CDC14A: variants seen among roughly 807,000 people sequenced by gnomAD.
The protein encoded by CDC14A is dual specificity protein phosphatase CDC14A.
A neutral mutation model predicts 74.4 loss-of-function variants in CDC14A; 53 were observed. That is an observed-to-expected ratio of 0.71 (90% CI 0.57 to 0.89). CDC14A has a LOEUF of 0.89. Among genes scored for constraint, CDC14A ranks in the 40% least tolerant of loss-of-function variants. The probability of loss-of-function intolerance (pLI) is 0.00; values close to 1 mark genes in which losing one functional copy is unlikely to be tolerated. For missense variants in CDC14A, 646 were observed against 713.7 expected, an observed-to-expected ratio of 0.91 and a Z score of 1.08; for synonymous variants, 247 against 258.4, an observed-to-expected ratio of 0.96 and a Z score of 0.43.
At chr1:100,489,077 T>A (rs1306506804) in intron 11 of CDC14A, among the ~76,000 whole-genome samples, 1 of 152,120 alleles carries the variant, frequency 6.6e-6, no homozygotes, top group Non-Finnish European at 1.5e-5. Context: ...AGAAGAGAGA[T>A]GTGGGCAGCT....
At chr1:100,509,575 TAGAA>T (rs893955670) in intron 15 of CDC14A, among the ~76,000 whole-genome samples, 8 of 152,238 alleles carry the variant, frequency 5.3e-5, no homozygotes, top group African/African-American at 1.2e-4. Flanking sequence ...ATCTTTAACT[TAGAA>T]AGGCATATTT....
At chr1:100,412,733 A>ATATATATAAAATATATATG (rs1557732433) in intron 4 of CDC14A, among the ~76,000 whole-genome samples, 2 of 110,158 alleles carry the variant, frequency 1.8e-5, no homozygotes, top group African/African-American at 9.6e-5. Context: ...TTTTATATAT[A>ATATATATAAAATATATATG]TATATTTTAT....
At chr1:100,510,891 A>AC (rs1388889110) in intron 15 of CDC14A, among the ~76,000 whole-genome samples, 1 of 151,990 alleles carries the variant, frequency 6.6e-6, no homozygotes, top group Non-Finnish European at 1.5e-5. Flanking sequence ...CACCAACACA[A>AC]CCCCTTCCTG....
chr1:100,394,025 A>C (rs981482317), intron 4 of CDC14A: 1 of 261,354 alleles, frequency 3.8e-6, no homozygotes. Context: ...TGTGCCTGCC[A>C]TTCTGGGGAC....
chr1:100,352,193 C>T (rs1455758835), upstream of CDC14A, among the ~76,000 whole-genome samples: 3 of 152,356 alleles, frequency 2.0e-5, no homozygotes, highest in Admixed American at 6.5e-5. Flanking sequence ...CCACTCTCAA[C>T]CCCGCCGTTT....
At chr1:100,349,607 G>A (rs1365192339), upstream of CDC14A, among the ~76,000 whole-genome samples, 1 of 152,162 alleles carries the variant, frequency 6.6e-6, no homozygotes, top group African/African-American at 2.4e-5. Context: ...GAATGGCTTA[G>A]AGAGATTTGA....
chr1:100,349,528 G>C (rs143045548), upstream of CDC14A, among the ~76,000 whole-genome samples: 69 of 152,304 alleles, frequency 4.5e-4, no homozygotes, highest in African/African-American at 1.5e-3. Flanking sequence ...ACCTTGGTAT[G>C]TATTATACGT....
At chr1:100,348,553 C>T (rs528011852), upstream of CDC14A, among the ~76,000 whole-genome samples, 20 of 152,206 alleles carry the variant, frequency 1.3e-4, no homozygotes, top group South Asian at 3.7e-3. Flanking sequence ...GTTCTGGGAC[C>T]CACTTAGTAA....
chr1:100,485,395 C>CAGTTCCA, intron 11 of CDC14A: 1 of 821,726 alleles, frequency 1.2e-6, no homozygotes, highest in Non-Finnish European at 1.5e-6. Flanking sequence ...AAAAAAAGGA[C>CAGTTCCA]CTGTTCAAAA....
At chr1:100,398,473 A>G (rs1296173255) in intron 4 of CDC14A, among the ~76,000 whole-genome samples, 1 of 152,208 alleles carries the variant, frequency 6.6e-6, no homozygotes, top group East Asian at 1.9e-4. Context: ...AGGTAGGAGT[A>G]TATTTCTCTC....
intron 15 of CDC14A, among the ~76,000 whole-genome samples, chr1:100,501,734 A>G (rs1028345810): frequency 3.9e-5 from 6 of 152,238 alleles, no homozygotes; most frequent in Non-Finnish European, 8.8e-5. Context: ...TGTTGTTATA[A>G]GAAATGACAG....
At chr1:100,493,166 A>G (rs1398076345) in intron 11 of CDC14A, among the ~76,000 whole-genome samples, 2 of 152,218 alleles carry the variant, frequency 1.3e-5, no homozygotes, top group Non-Finnish European at 1.5e-5. Flanking sequence ...TGGGAAACAT[A>G]AAGATCCTCC....
chr1:100,389,285 C>CT (rs1657337922), intron 3 of CDC14A, among the ~76,000 whole-genome samples: 1 of 150,568 alleles, frequency 6.6e-6, no homozygotes, highest in African/African-American at 2.4e-5. Context: ...TGGTGAAACT[C>CT]TGTCTCTACT....
chr1:100,381,757 C>T (rs1424199488), intron 3 of CDC14A, among the ~76,000 whole-genome samples: 5 of 152,078 alleles, frequency 3.3e-5, no homozygotes, highest in Admixed American at 3.3e-4. Context: ...AAAATCCAAA[C>T]ATAAAATGCA....
intron 4 of CDC14A, among the ~76,000 whole-genome samples, chr1:100,414,844 G>A (rs1476868430): frequency 1.3e-5 from 2 of 152,118 alleles, no homozygotes; most frequent in African/African-American, 4.8e-5. Flanking sequence ...ATTTTGGGGC[G>A]ACACATTTTC....
At position 100,420,053 on chromosome 1, in the gene CDC14A, C is replaced by CACACAT. The variant is rs59575520; in HGVS notation, c.310-4164_310-4163insTACACA. Among the ~76,000 whole-genome samples the CACACAT allele has an allele frequency of 2.2e-3, 40 of 18,344 alleles. 1 individual carries two copies. Among genetic ancestry groups the CACACAT allele is most frequent in the Non-Finnish European group, 3.1e-3 (27 of 8,766 alleles). The allele number at this position is 18,344 out of a possible 152,430, so 12.0% of individuals were successfully genotyped here. A position where few individuals can be genotyped will look rare whatever the true frequency, so the allele number is the denominator to read the frequency against. On this transcript the variant is annotated intron_variant, in intron 4 of 15. Transcript: ENST00000336454. ...ATATACACACACACACACACACACA[C>CACACAT]ACACACACACATATATATATATATA...
At chr1:100,470,998 AT>A (rs1158208073) in intron 10 of CDC14A, among the ~76,000 whole-genome samples, 2 of 152,194 alleles carry the variant, frequency 1.3e-5, no homozygotes, top group Admixed American at 6.5e-5. Flanking sequence ...TGCTTTATTC[AT>A]AGTAGCCCAA....
intron 10 of CDC14A, among the ~76,000 whole-genome samples, chr1:100,472,175 A>T (rs1247823121): frequency 6.6e-6 from 1 of 152,212 alleles, no homozygotes; most frequent in Non-Finnish European, 1.5e-5. Flanking sequence ...ATTTCATAGA[A>T]GAGAATGTAC....
At chr1:100,369,323 G>A (rs1332492647) in intron 2 of CDC14A, among the ~76,000 whole-genome samples, 1 of 152,144 alleles carries the variant, frequency 6.6e-6, no homozygotes, top group Non-Finnish European at 1.5e-5. Flanking sequence ...TGGCCAGGAT[G>A]GTCTTGATCT....
Sources: gnomAD v4.1 joint callset for allele counts (sites outside exome capture counted in the v4.1 genomes callset) on GRCh38, gnomAD v4.1.1 for gene constraint, MANE v1.5 for transcripts, NCBI Gene and HGNC (gene_info 2026-07-23, HGNC 2026-07-21) for gene names.